Variants in GABRB2 observed in about 807,000 individuals in gnomAD.
GABRB2 encodes the protein gamma-aminobutyric acid receptor subunit beta-2.
In GABRB2, 16 loss-of-function variants were observed where a neutral mutation model predicts 54.7. That is an observed-to-expected ratio of 0.29 (90% confidence interval 0.20 to 0.44). GABRB2 has a LOEUF of 0.44. Among genes scored for constraint, GABRB2 ranks in the 20% least tolerant of loss-of-function variants. GABRB2 has a pLI of 1.00. For synonymous variants in GABRB2, 244 were observed against 233.8 expected (o/e 1.04, Z -0.40); for missense variants, 355 against 644.0 (o/e 0.55, Z 4.86).
At chr5:161,472,669 T>G (rs539900658) in intron 3 of GABRB2, among the ~76,000 whole-genome samples, 1 of 151,856 alleles carries the variant, frequency 6.6e-6, no homozygotes, top group Non-Finnish European at 1.5e-5. Context: ...AAAGCATCCC[T>G]AGTTTTGGCA....
At chr5:161,305,119 C>T (rs535890428) in intron 9 of GABRB2, among the ~76,000 whole-genome samples, 2 of 149,680 alleles carry the variant, frequency 1.3e-5, no homozygotes, top group African/African-American at 2.5e-5. Context: ...CGGGTTCACG[C>T]CATTCTCCTG....
chr5:161,399,913 G>A (rs2113074911), intron 5 of GABRB2, among the ~76,000 whole-genome samples: 1 of 152,250 alleles, frequency 6.6e-6, no homozygotes, highest in Admixed American at 6.5e-5. Flanking sequence ...TAAATACAGG[G>A]TAGTTACTAC....
chr5:161,436,786 C>T (rs1393871661), intron 4 of GABRB2, among the ~76,000 whole-genome samples: 6 of 152,190 alleles, frequency 3.9e-5, no homozygotes, highest in African/African-American at 1.4e-4. Context: ...CTCCCCATCC[C>T]TAGCTGTCTT....
chr5:161,354,760 G>C (rs1399697942), intron 5 of GABRB2, among the ~76,000 whole-genome samples: 1 of 151,980 alleles, frequency 6.6e-6, no homozygotes, highest in Non-Finnish European at 1.5e-5. Context: ...TACTTGATCT[G>C]ACTGTGTTCC....
chr5:161,341,187 G>GAT (rs1272284772), intron 5 of GABRB2, among the ~76,000 whole-genome samples: 3 of 151,826 alleles, frequency 2.0e-5, no homozygotes, highest in Admixed American at 2.0e-4. Flanking sequence ...CTTTTCTTTG[G>GAT]ATATTCTCTG....
At chr5:161,455,880 A>C (rs1757940216) in intron 4 of GABRB2, among the ~76,000 whole-genome samples, 1 of 152,290 alleles carries the variant, frequency 6.6e-6, no homozygotes. Context: ...TACAATGAAC[A>C]CTTACATACC....
chr5:161,456,198 T>C (rs550134778), intron 4 of GABRB2, among the ~76,000 whole-genome samples: 33 of 152,306 alleles, frequency 2.2e-4, no homozygotes, highest in Middle Eastern at 6.8e-3. Flanking sequence ...TATCCACATC[T>C]TCATGGTTGC....
rs1757264364 is a variant in GABRB2 at position 161,292,441 on chromosome 5, A to G, written c.*1640T>C. ...AAGAAAAGCAAAATATGAGCCTTAT[A>G]TTGATAGAAGGAAGACATATTAGCT... On this transcript the variant is annotated 3_prime_UTR_variant, in exon 10 of 10. Coordinates refer to ENST00000393959, the MANE Select transcript of GABRB2 (RefSeq NM_001371727.1). 1 of 152,222 alleles carries G rather than the reference A, an allele frequency of 6.6e-6. No homozygotes were observed. The highest frequency in any genetic ancestry group is 2.4e-5 in the African/African-American group (1 of 41,464). The allele number at this position is 152,222 out of a possible 1,614,324, so 9.4% of individuals were successfully genotyped here.
chr5:161,375,869 A>T (rs1048147522), intron 5 of GABRB2, among the ~76,000 whole-genome samples: 7 of 152,140 alleles, frequency 4.6e-5, no homozygotes, highest in African/African-American at 9.7e-5. Context: ...ATGATTCTTG[A>T]CCAACCAGGA....
chr5:161,359,552 C>T (rs1230330148), intron 5 of GABRB2, among the ~76,000 whole-genome samples: 1 of 151,860 alleles, frequency 6.6e-6, no homozygotes, highest in Non-Finnish European at 1.5e-5. Flanking sequence ...ACGCTTTTAC[C>T]ATAATATTGG....
At chr5:161,428,147 T>A (rs1458270448) in intron 4 of GABRB2, among the ~76,000 whole-genome samples, 1 of 152,216 alleles carries the variant, frequency 6.6e-6, no homozygotes, top group East Asian at 1.9e-4. Context: ...ATTAGGCTAG[T>A]GGCTCCTAAA....
At position 161,471,374 on chromosome 5, in the gene GABRB2, G is replaced by A. The variant is rs560392858; in HGVS notation, c.238-11530C>T. ...CAACCTCCTAAACTAGAATGTAATG[G>A]AGTAAAACTCAGCTCCCCCTTAATA... is the stretch of plus-strand genomic sequence containing the variant. On this transcript the variant is annotated intron_variant, in intron 3 of 9. Transcript: ENST00000393959. 5.3e-5 allele frequency among the ~76,000 whole-genome samples: 8 copies of A among 152,040 alleles called. No individual in the cohort carries two copies. The South Asian group carries it at 1.7e-3, about 32-fold the overall frequency.
upstream of GABRB2, among the ~76,000 whole-genome samples, chr5:161,547,658 G>T (rs1761029780): frequency 6.6e-6 from 1 of 152,128 alleles, no homozygotes; most frequent in Non-Finnish European, 1.5e-5. Flanking sequence ...TAGTGGGCAG[G>T]GTGGGGTTTG....
intron 7 of GABRB2, among the ~76,000 whole-genome samples, chr5:161,331,577 G>A (rs775582351): frequency 6.6e-6 from 1 of 152,084 alleles, no homozygotes; most frequent in Non-Finnish European, 1.5e-5. Context: ...TTTGACTTAT[G>A]GGGACTGCTG....
At chr5:161,318,705 G>A (rs1758117330) in intron 9 of GABRB2, among the ~76,000 whole-genome samples, 1 of 151,764 alleles carries the variant, frequency 6.6e-6, no homozygotes, top group African/African-American at 2.4e-5. Flanking sequence ...AAACTTTAGA[G>A]TTATTGGGTC....
intron 9 of GABRB2, among the ~76,000 whole-genome samples, chr5:161,303,184 G>A (rs1561599895): frequency 1.3e-5 from 2 of 152,164 alleles, no homozygotes; most frequent in Non-Finnish European, 2.9e-5. Flanking sequence ...TCGAAGCTAG[G>A]TAAGTTGTAA....
intron 3 of GABRB2, among the ~76,000 whole-genome samples, chr5:161,476,644 A>G (rs538272833): frequency 2.6e-5 from 4 of 152,040 alleles, no homozygotes; most frequent in Middle Eastern, 3.4e-3. Flanking sequence ...CCTCAAATGT[A>G]CGAATAAATG....
chr5:161,307,522 C>T (rs1321566292), intron 9 of GABRB2, among the ~76,000 whole-genome samples: 1 of 152,156 alleles, frequency 6.6e-6, no homozygotes, highest in East Asian at 1.9e-4. Flanking sequence ...TGAATGCTAG[C>T]TCCTCTGCTG....
intron 3 of GABRB2, among the ~76,000 whole-genome samples, chr5:161,531,610 C>T (rs1015956805): frequency 1.3e-4 from 19 of 151,986 alleles, no homozygotes; most frequent in Non-Finnish European, 2.6e-4. Context: ...AAACAGTAAT[C>T]ACTTTTGAGT....
Sources: gnomAD v4.1 joint callset for allele counts (sites outside exome capture counted in the v4.1 genomes callset) on GRCh38, gnomAD v4.1.1 for gene constraint, MANE v1.5 for transcripts, NCBI Gene and HGNC (gene_info 2026-07-23, HGNC 2026-07-21) for gene names.